The following LNX1 variants were observed in gnomAD, a reference collection of about 807,000 sequenced individuals.
LNX1 encodes the protein E3 ubiquitin-protein ligase LNX.
A neutral mutation model predicts 68.4 loss-of-function variants in LNX1; 54 were observed. The observed-to-expected ratio is 0.79, with a 90% CI of 0.63 to 0.99. LNX1 has a LOEUF of 0.99. LNX1 is among the 50% of genes least tolerant of loss of function. The pLI is 0.00. For synonymous variants in LNX1, 336 were observed against 350.0 expected, an observed-to-expected ratio of 0.96 and a Z score of 0.45; for missense variants, 906 against 926.4, an observed-to-expected ratio of 0.98 and a Z score of 0.29.
Position 53,570,329 on chromosome 4 carries a change from T to C in LNX1, c.380+3294A>G, listed in dbSNP as rs62323656. On this transcript the variant is annotated intron_variant, in intron 2 of 10. Coordinates refer to ENST00000263925, the MANE Select transcript of LNX1 (RefSeq NM_001126328.3). ...CACATATACACCATGGAATACTATG[T>C]AGCCATAAAAAATGATGAGTTCATG... Among the ~76,000 whole-genome samples, 1,398 of 148,990 alleles carry C rather than the reference T, an allele frequency of 9.4e-3. 18 individuals carry two copies. The highest frequency in any genetic ancestry group is 0.033 in the African/African-American group (1,300 of 39,896).
intron 2 of LNX1, among the ~76,000 whole-genome samples, chr4:53,530,243 G>T (rs538295110): frequency 4.7e-4 from 71 of 152,088 alleles, no homozygotes; most frequent in African/African-American, 1.7e-3. Flanking sequence ...TATACAGAAA[G>T]AATCGTAAGT....
At chr4:53,517,788 T>C (rs1398487622) in intron 2 of LNX1, among the ~76,000 whole-genome samples, 1 of 151,420 alleles carries the variant, frequency 6.6e-6, no homozygotes, top group Non-Finnish European at 1.5e-5. Flanking sequence ...TGGAAAAAAG[T>C]TATGAGCATT....
intron 5 of LNX1, among the ~76,000 whole-genome samples, chr4:53,497,908 G>A (rs771535224): frequency 7.2e-5 from 11 of 152,242 alleles, no homozygotes; most frequent in Non-Finnish European, 1.5e-4. Flanking sequence ...GGATGGGATA[G>A]AACTGTTATC....
chr4:53,609,585 A>G (rs1391851630), intron 2 of LNX1, among the ~76,000 whole-genome samples: 3 of 146,364 alleles, frequency 2.0e-5, no homozygotes, highest in Non-Finnish European at 4.5e-5. Flanking sequence ...TATATAGTAT[A>G]TATAATTATA....
intron 1 of LNX1, among the ~76,000 whole-genome samples, chr4:53,642,234 A>G (rs1734715411): frequency 6.6e-6 from 1 of 151,828 alleles, no homozygotes; most frequent in African/African-American, 2.4e-5. Context: ...AAAAAAAAAA[A>G]AAAAAAAAAA....
intron 2 of LNX1, among the ~76,000 whole-genome samples, chr4:53,532,011 G>A (rs1435608605): frequency 6.6e-6 from 1 of 152,202 alleles, no homozygotes; most frequent in Non-Finnish European, 1.5e-5. Context: ...TGGTGCAGCT[G>A]TAAGAAATAT....
At chr4:53,508,280 C>T in intron 2 of LNX1, 53 bp from the exon 3 acceptor site, 1 of 1,590,952 alleles carries the variant, frequency 6.3e-7, no homozygotes, top group Non-Finnish European at 8.6e-7. Context: ...TGCTGCCATT[C>T]CTCAGTCAGC....
chr4:53,496,033 T>C lies in LNX1; in HGVS notation c.1340A>G (p.His447Arg), dbSNP rs1381162941. The change falls in exon 6 of 11, where the codon CAT becomes CGT. Residue 447 changes from histidine (H) to arginine (R), a missense_variant. His to Arg is a conservative substitution (Grantham distance 29). Coordinates refer to ENST00000263925, the MANE Select transcript of LNX1 (RefSeq NM_001126328.3). ...TGACCTCTGACTCACCTGAATCAGA[T>C]GAGCCGCACTTTCTGGGCTGCCATA... ...LRYGSPESAAHLIQASERRVH... is the reference protein window; with the variant it reads ...LRYGSPESAARLIQASERRVH... The C allele has an allele frequency of 6.2e-7, 1 of 1,612,438 alleles. No homozygotes were observed. Among genetic ancestry groups the C allele is most frequent in the African/African-American group, 1.3e-5 (1 of 74,918 alleles).
chr4:53,575,802 T>C (rs1731447350), intron 1 of LNX1: 3 of 1,582,666 alleles, frequency 1.9e-6, no homozygotes, highest in Non-Finnish European at 2.6e-6. Flanking sequence ...CCCAGCTTCC[T>C]CCAGAGGTGG....
At chr4:53,627,730 T>C (rs1250470615) in intron 1 of LNX1, among the ~76,000 whole-genome samples, 1 of 152,244 alleles carries the variant, frequency 6.6e-6, no homozygotes, top group African/African-American at 2.4e-5. Flanking sequence ...TCTGTTCAGA[T>C]TTAACTAACA....
At chr4:53,592,453 G>C (rs555459222), upstream of LNX1, among the ~76,000 whole-genome samples, 1 of 152,052 alleles carries the variant, frequency 6.6e-6, no homozygotes, top group Non-Finnish European at 1.5e-5. Context: ...TTCCCAGGAG[G>C]GCTGTAAACA....
intron 1 of LNX1, among the ~76,000 whole-genome samples, chr4:53,616,856 C>T (rs906700024): frequency 1.3e-5 from 2 of 152,150 alleles, no homozygotes; most frequent in African/African-American, 2.4e-5. Context: ...TTTTAGCAAA[C>T]ACCCTGGCTT....
intron 10 of LNX1, 99 bp downstream of exon 10, chr4:53,461,336 A>G: frequency 1.0e-6 from 1 of 971,376 alleles, no homozygotes; most frequent in East Asian, 2.4e-5. Flanking sequence ...AATCCCCACA[A>G]AGTATAATAA....
rs150585187 is a variant in LNX1, at chr4:53,633,721, C to T, written c.-215+18447G>A. Among the ~76,000 whole-genome samples, 205 of 152,242 alleles carry T rather than the reference C, an allele frequency of 1.3e-3. 3 individuals are homozygous for T. Among genetic ancestry groups the T allele is most frequent in the Admixed American group, 2.1e-3 (32 of 15,286 alleles). Reference sequence around the variant, plus strand: ...ATTAGGCTAGTGTTTGACATGAGCGCCCTCATCCATCTTCCTCCTCTGGGC... The same window carrying T: ...ATTAGGCTAGTGTTTGACATGAGCGTCCTCATCCATCTTCCTCCTCTGGGC... On this transcript the variant is annotated intron_variant, in intron 1 of 2. Transcript: ENST00000507168.
intron 2 of LNX1, among the ~76,000 whole-genome samples, chr4:53,547,787 G>A (rs1560658613): frequency 6.6e-6 from 1 of 152,092 alleles, no homozygotes; most frequent in African/African-American, 2.4e-5. Context: ...GAGAGAATAA[G>A]AAGAAGGAGT....
At position 53,498,773 on chromosome 4, in the gene LNX1, G is replaced by C; in HGVS notation, c.846C>G (p.Pro282=). 1 of 1,613,984 alleles carries C rather than the reference G, an allele frequency of 6.2e-7. No homozygotes were observed. The highest frequency in any genetic ancestry group is 8.5e-7 in the Non-Finnish European group (1 of 1,179,916). The change falls in exon 5 of 11, where the codon CCC becomes CCG. Residue 282 remains proline (P), a synonymous_variant. Transcript: ENST00000263925. ...CCAGCCTAATAGAGAGGCTTTCACT[G>C]GGATCTACTCGATTGATCTTGATGC... The part of the protein sequence containing the change: ...ITSIKINRVD[P]SESLSIRLVG...
intron 2 of LNX1, among the ~76,000 whole-genome samples, chr4:53,528,093 A>G (rs1363466503): frequency 6.6e-6 from 1 of 152,206 alleles, no homozygotes; most frequent in Non-Finnish European, 1.5e-5. Context: ...CTTTGTAATA[A>G]CACGTGCAGG....
At chr4:53,567,349 A>C (rs1254687310) in intron 2 of LNX1, among the ~76,000 whole-genome samples, 2 of 148,782 alleles carry the variant, frequency 1.3e-5, no homozygotes, top group African/African-American at 2.5e-5. Context: ...TCTCACTCAA[A>C]ACCACTCAAC....
At chr4:53,572,612 T>A (rs1184347779) in intron 2 of LNX1, among the ~76,000 whole-genome samples, 2 of 152,198 alleles carry the variant, frequency 1.3e-5, no homozygotes, top group Non-Finnish European at 2.9e-5. Context: ...TCTTCCAAAT[T>A]TCCTCTTACA....
Sources: gnomAD v4.1 joint callset for allele counts (sites outside exome capture counted in the v4.1 genomes callset) on GRCh38, gnomAD v4.1.1 for gene constraint, MANE v1.5 for transcripts, NCBI Gene and HGNC (gene_info 2026-07-23, HGNC 2026-07-21) for gene names.